NT5C2: variants seen among roughly 807,000 people sequenced by gnomAD.
NT5C2 encodes cytosolic purine 5'-nucleotidase.
Under a neutral mutation model 76.1 loss-of-function variants are expected in NT5C2, and 58 were observed. The observed-to-expected ratio is 0.76, with a 90% CI of 0.62 to 0.95. NT5C2 has a LOEUF of 0.95. Among genes scored for constraint, NT5C2 ranks in the 40% least tolerant of loss-of-function variants. The probability of loss-of-function intolerance (pLI) is 0.00; values close to 1 mark genes in which losing one functional copy is unlikely to be tolerated. For missense variants in NT5C2, 478 were observed against 690.3 expected (o/e 0.69, Z 3.45); for synonymous variants, 229 against 237.4 (o/e 0.96, Z 0.32).
At chr10:103,151,109 A>G (rs1438636911) in intron 3 of NT5C2, among the ~76,000 whole-genome samples, 1 of 152,128 alleles carries the variant, frequency 6.6e-6, no homozygotes, top group Non-Finnish European at 1.5e-5. Flanking sequence ...GTCAAGGGTC[A>G]AGGTTCATTT....
chr10:103,165,063 G>GT (rs1378963582), intron 3 of NT5C2, among the ~76,000 whole-genome samples: 2 of 152,114 alleles, frequency 1.3e-5, no homozygotes, highest in African/African-American at 2.4e-5. Context: ...TTCATGTGAC[G>GT]TAAGAAAAGG....
intron 3 of NT5C2, chr10:103,146,305 T>A (rs992118863): frequency 3.0e-6 from 3 of 985,448 alleles, no homozygotes; most frequent in African/African-American, 1.7e-5. Flanking sequence ...AATGGTGAAC[T>A]TTATCTGTAA....
intron 4 of NT5C2, among the ~76,000 whole-genome samples, chr10:103,122,640 C>T (rs1415240760): frequency 6.6e-6 from 1 of 152,188 alleles, no homozygotes; most frequent in East Asian, 1.9e-4. Flanking sequence ...TCTCACCTCC[C>T]GACTTCTTCC....
intron 3 of NT5C2, among the ~76,000 whole-genome samples, chr10:103,168,837 T>C (rs1181456222): frequency 6.6e-6 from 1 of 152,210 alleles, no homozygotes; most frequent in Non-Finnish European, 1.5e-5. Context: ...TAAAGGGAAA[T>C]TGTAAAGCAT....
intron 1 of NT5C2, among the ~76,000 whole-genome samples, chr10:103,192,917 G>A (rs912569330): frequency 4.6e-5 from 7 of 152,146 alleles, no homozygotes; most frequent in Admixed American, 2.6e-4. Flanking sequence ...AGGCTGAGGC[G>A]GGGTCCCAGC....
chr10:103,125,274 A>G, intron 4 of NT5C2: 1 of 653,402 alleles, frequency 1.5e-6, no homozygotes, highest in Non-Finnish European at 2.7e-6. Flanking sequence ...TCGCCAATGG[A>G]ACCATGCTTC....
intron 4 of NT5C2, among the ~76,000 whole-genome samples, chr10:103,132,486 A>G (rs1182340296): frequency 2.0e-5 from 3 of 152,196 alleles, no homozygotes; most frequent in Non-Finnish European, 4.4e-5. Context: ...ATGTTACCAT[A>G]GGAGAGGGGA....
At chr10:103,155,593 T>C (rs2083207751) in intron 3 of NT5C2, among the ~76,000 whole-genome samples, 1 of 151,900 alleles carries the variant, frequency 6.6e-6, no homozygotes, top group Admixed American at 6.6e-5. Context: ...GATGTGTGAA[T>C]AAAAACAAAG....
chr10:103,134,363 C>T (rs1052451983), intron 4 of NT5C2, among the ~76,000 whole-genome samples: 1 of 152,354 alleles, frequency 6.6e-6, no homozygotes, highest in African/African-American at 2.4e-5. Flanking sequence ...CCAGCCACTC[C>T]TGCCATGGCT....
chr10:103,192,676 G>A (rs904536568), intron 1 of NT5C2, among the ~76,000 whole-genome samples: 2 of 152,162 alleles, frequency 1.3e-5, no homozygotes, highest in African/African-American at 4.8e-5. Flanking sequence ...TCGCGGTCCT[G>A]CTAAAACGCT....
At chr10:103,093,417 A>G in intron 14 of NT5C2, 108 bp from the exon 15 acceptor site, 1 of 982,700 alleles carries the variant, frequency 1.0e-6, no homozygotes, top group Non-Finnish European at 1.4e-6. Flanking sequence ...TATATGAGGA[A>G]CAGACTAGGA....
intron 4 of NT5C2, among the ~76,000 whole-genome samples, chr10:103,127,685 C>G (rs895684003): frequency 6.6e-6 from 1 of 152,172 alleles, no homozygotes; most frequent in Non-Finnish European, 1.5e-5. Flanking sequence ...CCACAGTACC[C>G]AGTAACACCT....
intron 3 of NT5C2, chr10:103,146,016 CA>C (rs2081411572): frequency 5.1e-6 from 5 of 972,874 alleles, no homozygotes; most frequent in Non-Finnish European, 4.9e-6. Flanking sequence ...ACTTGTAATT[CA>C]AAGCAGTATT....
At chr10:103,115,225 AC>A (rs559684510) in intron 4 of NT5C2, among the ~76,000 whole-genome samples, 1 of 152,190 alleles carries the variant, frequency 6.6e-6, no homozygotes, top group Non-Finnish European at 1.5e-5. Flanking sequence ...ACACAGTGAA[AC>A]CCCGTCTCTA....
chr10:103,158,032 C>T (rs770757302), intron 3 of NT5C2, among the ~76,000 whole-genome samples: 2 of 151,164 alleles, frequency 1.3e-5, no homozygotes, highest in Non-Finnish European at 2.9e-5. Flanking sequence ...AGGATCGTGC[C>T]ACTGCACTCC....
chr10:103,119,635 G>A (rs1157196017), intron 4 of NT5C2, among the ~76,000 whole-genome samples: 1 of 152,120 alleles, frequency 6.6e-6, no homozygotes, highest in Non-Finnish European at 1.5e-5. Flanking sequence ...ATTCCTTTCA[G>A]AGACCTCTCG....
rs1186454890 is a variant in NT5C2 at position 103,129,992 on chromosome 10, C to T, written c.175+9414G>A. Among the ~76,000 whole-genome samples, 41 of 150,530 alleles carry T rather than the reference C, an allele frequency of 2.7e-4. No individual in the cohort carries two copies. In the Middle Eastern group the frequency reaches 0.014, roughly 50 times the overall value. On this transcript the variant is annotated intron_variant, in intron 4 of 18. Coordinates refer to ENST00000404739, the MANE Select transcript of NT5C2 (RefSeq NM_001351169.2). ...CCGGGAGGTGAGGGGCGCCTCTGCC[C>T]GGCCGCCCCTACTGGGAAGTGAGGA...
At chr10:103,128,105 A>C (rs949966166) in intron 4 of NT5C2, among the ~76,000 whole-genome samples, 2 of 133,360 alleles carry the variant, frequency 1.5e-5, no homozygotes, top group South Asian at 2.8e-4. Context: ...CCCTCTCCCC[A>C]CGGTCTCCCT....
chr10:103,125,125 T>A (rs2076423973), intron 4 of NT5C2: 1 of 492,540 alleles, frequency 2.0e-6, no homozygotes, highest in East Asian at 4.8e-5. Flanking sequence ...ACTGGCAGGA[T>A]GGAAGCAGAT....
Sources: allele counts gnomAD v4.1 joint callset (sites outside exome capture counted in the v4.1 genomes callset), GRCh38; gene constraint gnomAD v4.1.1; transcripts MANE v1.5; gene names NCBI Gene and HGNC (gene_info 2026-07-23, HGNC 2026-07-21).